Variants in NPLOC4 observed in about 807,000 individuals in gnomAD.
The protein encoded by NPLOC4 is nuclear protein localization protein 4 homolog.
In NPLOC4, 18 loss-of-function variants were observed where a neutral mutation model predicts 80.6. That is an observed-to-expected ratio of 0.22 (90% CI 0.15 to 0.33). The LOEUF (loss-of-function observed/expected upper bound fraction) is 0.33, where lower values mean the gene tolerates loss of function less well. NPLOC4 is among the 10% of genes least tolerant of loss of function. NPLOC4 has a pLI of 1.00. For missense variants in NPLOC4, 540 were observed against 786.1 expected, an observed-to-expected ratio of 0.69 and a Z score of 3.74; for synonymous variants, 313 against 301.5, an observed-to-expected ratio of 1.04 and a Z score of -0.39.
At chr17:81,600,483 A>G in intron 8 of NPLOC4, 56 bp from the exon 9 acceptor site, 1 of 1,375,802 alleles carries the variant, frequency 7.3e-7, no homozygotes, top group Non-Finnish European at 1.0e-6. Flanking sequence ...AGGAAGCAGC[A>G]CCCCAAGCCC....
rs1452447678 is a variant in NPLOC4, at chr17:81,567,360, C to T, written c.1566+57G>A. On this transcript the variant is annotated intron_variant, in intron 15 of 16. Transcript: ENST00000331134. This position sits in a 1 kb window ranked among gnomAD's most constrained non-coding sequence, Gnocchi z 4.5. ...GGGAGGAAAGAAAGCAAGACACAGG[C>T]GTCTCTTTGCAGCCAAAGCCCACTT... 5.0e-6 allele frequency: 5 copies of T among 1,007,866 alleles called. No individual in the cohort carries two copies. Among genetic ancestry groups the T allele is most frequent in the East Asian group, 2.5e-5 (1 of 40,468 alleles). The allele number at this position is 1,007,866 out of a possible 1,614,324, so 62.4% of individuals were successfully genotyped here.
intron 11 of NPLOC4, among the ~76,000 whole-genome samples, chr17:81,592,165 C>G (rs1395689275): frequency 3.3e-5 from 5 of 152,204 alleles, no homozygotes; most frequent in Non-Finnish European, 7.3e-5. Context: ...AGGGGCGCCC[C>G]GCACCCTATG....
chr17:81,558,603 G>A lies in NPLOC4; in HGVS notation c.*656C>T, dbSNP rs2033729172. On this transcript the variant is annotated 3_prime_UTR_variant, in exon 17 of 17. Coordinates refer to ENST00000331134, the MANE Select transcript of NPLOC4 (RefSeq NM_017921.4). ...TTATCTTAAAAAAAAATAAATAAAA[G>A]TCTTCTGGGCAGGAATTACTGATAA... The A allele has an allele frequency of 6.6e-6, 1 of 152,132 alleles. No homozygotes were observed. The highest frequency in any genetic ancestry group is 6.5e-5 in the Admixed American group (1 of 15,268). The allele number at this position is 152,132 out of a possible 1,614,324, so 9.4% of individuals were successfully genotyped here.
intron 3 of NPLOC4, among the ~76,000 whole-genome samples, chr17:81,616,001 C>T (rs7503152): frequency 0.079 from 12,063 of 152,198 alleles, 558 homozygotes; most frequent in Middle Eastern, 0.17. Context: ...CCAACAAAAG[C>T]AAATGCAAAC....
At chr17:81,622,364 G>A (rs1315256984) in intron 2 of NPLOC4, 86 bp from the exon 3 acceptor site, 2 of 981,430 alleles carry the variant, frequency 2.0e-6, no homozygotes, top group Non-Finnish European at 3.2e-6. Context: ...TACTAGAAGA[G>A]TATTCACCAA....
chr17:81,624,240 G>A (rs1313994929), intron 2 of NPLOC4, among the ~76,000 whole-genome samples: 2 of 152,046 alleles, frequency 1.3e-5, no homozygotes, highest in Non-Finnish European at 2.9e-5. Context: ...CCACCTTGAT[G>A]AAACCCCATT....
intron 11 of NPLOC4, 149 bp from the exon 12 acceptor site, chr17:81,589,253 G>A (rs960790031): frequency 6.8e-5 from 44 of 651,340 alleles, no homozygotes; most frequent in Non-Finnish European, 9.7e-5. Context: ...GTAGTCGGCC[G>A]GGTGCGGTGG....
At chr17:81,625,334 C>A (rs2035768349) in intron 2 of NPLOC4, among the ~76,000 whole-genome samples, 1 of 152,170 alleles carries the variant, frequency 6.6e-6, no homozygotes, top group African/African-American at 2.4e-5. Flanking sequence ...ACCAGACACA[C>A]TGCAGTGAAG....
At chr17:81,615,629 G>A (rs1385044976) in intron 3 of NPLOC4, among the ~76,000 whole-genome samples, 1 of 152,242 alleles carries the variant, frequency 6.6e-6, no homozygotes, top group Non-Finnish European at 1.5e-5. Flanking sequence ...GCCACTCTCA[G>A]TAATTCACTC....
intron 1 of NPLOC4, among the ~76,000 whole-genome samples, chr17:81,635,963 A>T (rs62074748): frequency 0.11 from 16,778 of 151,038 alleles, 1,055 homozygotes; most frequent in Middle Eastern, 0.18. Flanking sequence ...GTTAAGGAGG[A>T]GTGTGTGACA....
intron 12 of NPLOC4, among the ~76,000 whole-genome samples, chr17:81,584,261 G>A (rs1760982008): frequency 6.6e-6 from 1 of 151,988 alleles, no homozygotes; most frequent in South Asian, 2.1e-4. Flanking sequence ...AATCCTACAG[G>A]GCTATAAACA....
intron 10 of NPLOC4, among the ~76,000 whole-genome samples, chr17:81,596,718 G>T (rs1159079753): frequency 6.6e-6 from 1 of 152,198 alleles, no homozygotes; most frequent in Non-Finnish European, 1.5e-5. Flanking sequence ...CCCGCCATGG[G>T]CTGAGCCCTG....
At chr17:81,581,812 C>T (rs1269246736) in intron 12 of NPLOC4, among the ~76,000 whole-genome samples, 2 of 152,122 alleles carry the variant, frequency 1.3e-5, no homozygotes, top group East Asian at 3.9e-4. Flanking sequence ...GCAGAAGGGT[C>T]GTAGCCTGCC....
At chr17:81,630,244 A>G (rs1264074421) in intron 1 of NPLOC4, among the ~76,000 whole-genome samples, 2 of 151,840 alleles carry the variant, frequency 1.3e-5, no homozygotes, top group Non-Finnish European at 2.9e-5. Flanking sequence ...ACAGTCTTCA[A>G]GAGTCCTACA....
chr17:81,574,793 G>A lies in NPLOC4; in HGVS notation c.1282-2705C>T, dbSNP rs768079082. Among the ~76,000 whole-genome samples, 9 of 152,138 alleles carry A rather than the reference G, an allele frequency of 5.9e-5. No individual in the cohort carries two copies. The East Asian group carries it at 1.2e-3, about 20-fold the overall frequency. On this transcript the variant is annotated intron_variant, in intron 12 of 16. Transcript: ENST00000331134. ...CTTTGGGAGGCCGAGGTGGGCAGAC[G>A]GCTTGAGGTCGGGAGTTTGAGACCA...
At chr17:81,595,488 C>T (rs1321735701) in intron 11 of NPLOC4, among the ~76,000 whole-genome samples, 9 of 146,444 alleles carry the variant, frequency 6.1e-5, no homozygotes, top group Non-Finnish European at 1.0e-4. Context: ...ACTCTGTCGC[C>T]CAGGGGAACA....
At chr17:81,593,214 C>A (rs997612604) in intron 11 of NPLOC4, among the ~76,000 whole-genome samples, 2 of 152,016 alleles carry the variant, frequency 1.3e-5, no homozygotes, top group African/African-American at 4.8e-5. Context: ...ACTGAATTCT[C>A]TGGGACTACA....
intron 3 of NPLOC4, among the ~76,000 whole-genome samples, chr17:81,613,860 G>A (rs1355208903): frequency 6.6e-6 from 1 of 151,800 alleles, no homozygotes; most frequent in Non-Finnish European, 1.5e-5. Flanking sequence ...CATTCCTCTG[G>A]CCTCTGGGAG....
At chr17:81,618,309 G>T (rs1461908800) in intron 3 of NPLOC4, among the ~76,000 whole-genome samples, 1 of 142,466 alleles carries the variant, frequency 7.0e-6, no homozygotes, top group Non-Finnish European at 1.5e-5. Context: ...CTGCCCCGCC[G>T]CCCCGTCTGG....
Sources: gnomAD v4.1 joint callset for allele counts (sites outside exome capture counted in the v4.1 genomes callset) on GRCh38, gnomAD v4.1.1 for gene constraint, Gnocchi (gnomAD v3.1) non-coding constraint, MANE v1.5 for transcripts, NCBI Gene and HGNC (gene_info 2026-07-23, HGNC 2026-07-21) for gene names.